Variants in NYAP2 observed in about 807,000 individuals in gnomAD.
NYAP2 encodes neuronal tyrosine-phosphorylated phosphoinositide-3-kinase adapter 2.
A neutral mutation model predicts 50.4 loss-of-function variants in NYAP2; 23 were observed. The observed-to-expected ratio is 0.46, with a 90% CI of 0.33 to 0.65. The LOEUF is 0.65. Ranked by LOEUF, NYAP2 falls within the 30% of genes least tolerant of loss-of-function variation. The pLI, the probability that NYAP2 is intolerant of heterozygous loss-of-function variation, is 0.02. For missense variants in NYAP2, 885 were observed against 861.0 expected (o/e 1.03, Z -0.35); for synonymous variants, 394 against 365.2 (o/e 1.08, Z -0.90).
At chr2:225,424,171 A>T (rs1695254483) in intron 3 of NYAP2, among the ~76,000 whole-genome samples, 2 of 152,306 alleles carry the variant, frequency 1.3e-5, no homozygotes, top group South Asian at 2.1e-4. Flanking sequence ...GATTTTAAAA[A>T]GTGAACCAAG....
chr2:225,621,649 A>C (rs1367177315), intron 5 of NYAP2, among the ~76,000 whole-genome samples: 2 of 152,158 alleles, frequency 1.3e-5, no homozygotes, highest in Non-Finnish European at 2.9e-5. Context: ...CTATATTTTT[A>C]TAAAAATAAT....
At chr2:225,647,583 TTATAACA>T (rs139915275) in intron 6 of NYAP2, among the ~76,000 whole-genome samples, 3,263 of 152,282 alleles carry the variant, frequency 0.021, 128 homozygotes, top group African/African-American at 0.074. Flanking sequence ...AAACTAGGTC[TTATAACA>T]GGTTCTTTGT....
At chr2:225,496,902 ATTGTAATGG>A (rs2106174808) in intron 3 of NYAP2, among the ~76,000 whole-genome samples, 1 of 152,258 alleles carries the variant, frequency 6.6e-6, no homozygotes, top group Non-Finnish European at 1.5e-5. Flanking sequence ...TACTGCCTCC[ATTGTAATGG>A]AGAATTTTTT....
At chr2:225,422,537 A>G (rs946327719) in intron 3 of NYAP2, among the ~76,000 whole-genome samples, 11 of 152,206 alleles carry the variant, frequency 7.2e-5, no homozygotes, top group African/African-American at 2.4e-4. Flanking sequence ...ACAGCAAAAA[A>G]GGACAGATAA....
intron 4 of NYAP2, among the ~76,000 whole-genome samples, chr2:225,567,506 T>G (rs538330472): frequency 5.5e-4 from 83 of 152,168 alleles, no homozygotes; most frequent in African/African-American, 2.0e-3. Flanking sequence ...AAATTAATTC[T>G]CCCTTCAGAA....
the NYAP2 span, among the ~76,000 whole-genome samples, chr2:225,684,312 T>C: frequency 2.6e-5 from 4 of 152,192 alleles, no homozygotes; most frequent in South Asian, 4.2e-4. Context: ...GAGATCACAA[T>C]TGGGATTAGG....
chr2:225,423,907 G>C (rs1460145841), intron 3 of NYAP2, among the ~76,000 whole-genome samples: 1 of 152,106 alleles, frequency 6.6e-6, no homozygotes, highest in Non-Finnish European at 1.5e-5. Context: ...TTTAATACCT[G>C]CATCATGAAG....
intron 5 of NYAP2, among the ~76,000 whole-genome samples, chr2:225,626,079 A>G (rs1693206408): frequency 6.6e-6 from 1 of 152,242 alleles, no homozygotes; most frequent in Non-Finnish European, 1.5e-5. Context: ...TAGCTTGGAT[A>G]GTTGGTTGGA....
At position 225,409,023 on chromosome 2, in the gene NYAP2, G is replaced by A. The variant is rs770826700; in HGVS notation, c.143G>A (p.Arg48His). Reference sequence around the variant, plus strand: ...TCAGATATTGCTCGAGAGAATGATCGCTTGAGAAATGAAACTAACCTAGCC... The same window carrying A: ...TCAGATATTGCTCGAGAGAATGATCACTTGAGAAATGAAACTAACCTAGCC... Residue 48 changes from arginine (R) to histidine (H), a missense_variant, in exon 3 of 7, where the codon CGC (arginine) becomes CAC (histidine). By Grantham distance (29) the Arg-to-His change is conservative (BLOSUM62 0). Coordinates refer to ENST00000636099, the Ensembl canonical transcript of NYAP2. 4.3e-6 allele frequency: 7 copies of A among 1,612,184 alleles called. No homozygotes were observed. The East Asian group carries it at 6.7e-5, about 15-fold the overall frequency.
intron 5 of NYAP2, among the ~76,000 whole-genome samples, chr2:225,600,218 G>A (rs1293626715): frequency 2.0e-5 from 3 of 152,094 alleles, no homozygotes; most frequent in Non-Finnish European, 2.9e-5. Context: ...GTCTTGTGCT[G>A]AGTAAGTTCC....
intron 3 of NYAP2, among the ~76,000 whole-genome samples, chr2:225,500,989 T>G (rs1343026571): frequency 6.6e-6 from 1 of 152,194 alleles, no homozygotes; most frequent in East Asian, 1.9e-4. Context: ...TGTCAGTATC[T>G]AATACTGTGT....
chr2:225,615,067 A>G (rs899915311), intron 5 of NYAP2, among the ~76,000 whole-genome samples: 1 of 152,208 alleles, frequency 6.6e-6, no homozygotes, highest in African/African-American at 2.4e-5. Flanking sequence ...TTTATAGGAC[A>G]TTTGATGCCC....
intron 4 of NYAP2, among the ~76,000 whole-genome samples, chr2:225,536,683 G>A (rs1691356420): frequency 6.6e-6 from 1 of 151,914 alleles, no homozygotes; most frequent in Non-Finnish European, 1.5e-5. Flanking sequence ...AAACAATCCA[G>A]TTATGCTAGT....
intron 6 of NYAP2, among the ~76,000 whole-genome samples, chr2:225,640,495 C>G (rs945103935): frequency 1.3e-5 from 2 of 152,214 alleles, no homozygotes; most frequent in Admixed American, 6.5e-5. Context: ...TGGTTTTATA[C>G]AGCAAGGGAG....
At position 225,513,390 on chromosome 2, in the gene NYAP2, C is replaced by T. The variant is rs1344227560; in HGVS notation, c.241C>T (p.Arg81Ter). Reference sequence around the variant, plus strand: ...TTACAGCATAGGTGGAGAAGTAGGGCGAGGCCACGAAGGAAGTTACGTGGG... The same window carrying T: ...TTACAGCATAGGTGGAGAAGTAGGGTGAGGCCACGAAGGAAGTTACGTGGG... Residue 81 changes from arginine (R) to a stop codon, truncating the protein, a stop_gained, in exon 4 of 7, where the codon CGA (arginine) becomes TGA (stop). Coordinates refer to ENST00000636099, the Ensembl canonical transcript of NYAP2. LOFTEE classifies it high-confidence loss of function. The T allele has an allele frequency of 2.5e-6, 4 of 1,613,886 alleles. No individual in the cohort carries two copies. The highest frequency in any genetic ancestry group is 3.3e-5 in the Admixed American group (2 of 60,010).
At chr2:225,476,027 A>G (rs1160470832) in intron 3 of NYAP2, among the ~76,000 whole-genome samples, 1 of 152,258 alleles carries the variant, frequency 6.6e-6, no homozygotes, top group East Asian at 1.9e-4. Context: ...GTGGTGCTGC[A>G]GAGCTCAACA....
At chr2:225,435,592 T>C (rs1434062830) in intron 3 of NYAP2, among the ~76,000 whole-genome samples, 1 of 152,250 alleles carries the variant, frequency 6.6e-6, no homozygotes, top group East Asian at 1.9e-4. Flanking sequence ...AAATTGTGTA[T>C]CATTCCTAAT....
intron 4 of NYAP2, among the ~76,000 whole-genome samples, chr2:225,556,191 A>G (rs1048903949): frequency 2.0e-5 from 3 of 152,176 alleles, no homozygotes; most frequent in Admixed American, 6.6e-5. Flanking sequence ...CTTTAAAGTA[A>G]ACTTTCTCTT....
At chr2:225,684,164 C>T in the NYAP2 span, among the ~76,000 whole-genome samples, 3,474 of 152,214 alleles carry the variant, frequency 0.023, 150 homozygotes, top group African/African-American at 0.079. Context: ...ATACCTGTGG[C>T]TGCTGCCGAG....
Sources: allele counts gnomAD v4.1 joint callset (sites outside exome capture counted in the v4.1 genomes callset), GRCh38; gene constraint gnomAD v4.1.1; transcripts MANE v1.5; gene names NCBI Gene and HGNC (gene_info 2026-07-23, HGNC 2026-07-21).